Variants in EIF2AK3 observed in about 807,000 individuals in gnomAD.
The protein encoded by EIF2AK3 is eukaryotic translation initiation factor 2 alpha kinase 3.
Under a neutral mutation model 113.5 loss-of-function variants are expected in EIF2AK3, and 50 were observed. That is an observed-to-expected ratio of 0.44 (90% CI 0.35 to 0.56). The LOEUF is 0.56. EIF2AK3 is among the 20% of genes least tolerant of loss of function. EIF2AK3 has a pLI of 0.00. For missense variants in EIF2AK3, 1,185 were observed against 1,378.0 expected (o/e 0.86, Z 2.22); for synonymous variants, 448 against 495.4 (o/e 0.90, Z 1.27).
At chr2:88,558,576 C>T (rs1673850019) in intron 16 of EIF2AK3, among the ~76,000 whole-genome samples, 1 of 152,124 alleles carries the variant, frequency 6.6e-6, no homozygotes, top group African/African-American at 2.4e-5. Context: ...TAATGCAACC[C>T]TTCATTATAA....
At chr2:88,610,288 A>G (rs1170636160) in intron 2 of EIF2AK3, among the ~76,000 whole-genome samples, 5 of 152,258 alleles carry the variant, frequency 3.3e-5, no homozygotes, top group Admixed American at 1.3e-4. Flanking sequence ...TAAAAGATCT[A>G]TGTAACTCAG....
In EIF2AK3 at chr2:88,607,471, T is replaced by C. The variant is rs752802694; in HGVS notation, c.438+6253A>G. 1.2e-3 allele frequency among the ~76,000 whole-genome samples: 183 copies of C among 152,234 alleles called. 1 individual carries two copies. The highest frequency in any genetic ancestry group is 1.2e-3 in the Non-Finnish European group (80 of 68,036). On this transcript the variant is annotated intron_variant, in intron 2 of 16. Coordinates refer to ENST00000303236, the MANE Select transcript of EIF2AK3 (RefSeq NM_004836.7). Reference sequence around the variant, plus strand: ...ATTCTAAGACACACAAACATGCACCTTAACGGTTTTAGCTTGGTTATGTAT... The same window carrying C: ...ATTCTAAGACACACAAACATGCACCCTAACGGTTTTAGCTTGGTTATGTAT...
chr2:88,573,601 G>C (rs1278122043), intron 13 of EIF2AK3, among the ~76,000 whole-genome samples: 1 of 152,150 alleles, frequency 6.6e-6, no homozygotes, highest in Non-Finnish European at 1.5e-5. Flanking sequence ...TTGGCAATCA[G>C]TTTGGGCCCA....
chr2:88,627,220 GC>G lies in EIF2AK3; in HGVS notation c.54del (p.Leu19CysfsTer52). On this transcript the variant is annotated frameshift_variant, in exon 1 of 17. Transcript: ENST00000303236. LOFTEE classifies it high-confidence loss of function. ...GTCCTTGCCGCGAGCCCCAGCAGCA[GC>G]AGCAGCAGCAGCAGCGCCCGTACCA... is the stretch of plus-strand genomic sequence containing the variant. ...GLLVRALLLL[L>X]LLLGLAARTV... 2.1e-6 allele frequency: 3 copies of G among 1,430,754 alleles called. No individual in the cohort carries two copies. The highest frequency in any genetic ancestry group is 1.3e-5 in the South Asian group (1 of 76,250). 88.6% of individuals were successfully genotyped at this position (1,430,754 alleles called of 1,614,324 possible). A position where few individuals can be genotyped will look rare whatever the true frequency, so the allele number is the denominator to read the frequency against.
intron 13 of EIF2AK3, among the ~76,000 whole-genome samples, chr2:88,573,129 T>TG (rs1674358790): frequency 6.6e-6 from 1 of 151,248 alleles, no homozygotes; most frequent in African/African-American, 2.4e-5. Flanking sequence ...TTTTTTTGGT[T>TG]GGGGGTGGCG....
intron 10 of EIF2AK3, among the ~76,000 whole-genome samples, chr2:88,580,826 T>A (rs973975914): frequency 6.6e-6 from 1 of 152,166 alleles, no homozygotes; most frequent in African/African-American, 2.4e-5. Context: ...GATTTCAACG[T>A]TCCATGGGCC....
chr2:88,566,119 G>C (rs1189020681), intron 14 of EIF2AK3, among the ~76,000 whole-genome samples: 1 of 152,068 alleles, frequency 6.6e-6, no homozygotes, highest in African/African-American at 2.4e-5. Flanking sequence ...CTATTTTACT[G>C]TTTCACCAGT....
intron 15 of EIF2AK3, among the ~76,000 whole-genome samples, chr2:88,559,581 G>C (rs977084316): frequency 1.4e-4 from 21 of 151,400 alleles, no homozygotes; most frequent in African/African-American, 4.6e-4. Context: ...TGTATGTGTG[G>C]AGGGAGGGAG....
chr2:88,624,304 A>T (rs1438097519), intron 1 of EIF2AK3, among the ~76,000 whole-genome samples: 1 of 151,552 alleles, frequency 6.6e-6, no homozygotes, highest in African/African-American at 2.4e-5. Context: ...TTTCATTTTC[A>T]TTCTATCTAC....
At chr2:88,626,657 A>C (rs752467761) in intron 1 of EIF2AK3, among the ~76,000 whole-genome samples, 1 of 152,272 alleles carries the variant, frequency 6.6e-6, no homozygotes, top group East Asian at 1.9e-4. Flanking sequence ...AAGAGAATCA[A>C]TGCCCGAAAA....
chr2:88,593,974 A>G (rs1674949240), intron 3 of EIF2AK3: 7 of 989,862 alleles, frequency 7.1e-6, no homozygotes, highest in South Asian at 4.6e-5. Context: ...GATCGGGTTC[A>G]ATCCTGTTGT....
chr2:88,576,495 A>G (rs1363727681), intron 12 of EIF2AK3, 59 bp downstream of exon 12: 3 of 1,606,302 alleles, frequency 1.9e-6, no homozygotes, highest in Non-Finnish European at 2.5e-6. Context: ...TATAAAACTG[A>G]CATTGTAATC....
At chr2:88,584,063 T>C (rs1375704369) in intron 9 of EIF2AK3, among the ~76,000 whole-genome samples, 5 of 152,204 alleles carry the variant, frequency 3.3e-5, no homozygotes, top group Non-Finnish European at 7.3e-5. Flanking sequence ...TTTTAGAGGA[T>C]GTTAATAATT....
chr2:88,627,344 T>G lies in EIF2AK3; in HGVS notation c.-70A>C. 7.1e-7 allele frequency: 1 copy of G among 1,409,886 alleles called. No individual in the cohort carries two copies. Among genetic ancestry groups the G allele is most frequent in the South Asian group, 1.4e-5 (1 of 70,462 alleles). The allele number at this position is 1,409,886 out of a possible 1,614,324, so 87.3% of individuals were successfully genotyped here. A position where few individuals can be genotyped will look rare whatever the true frequency, so the allele number is the denominator to read the frequency against. On this transcript the variant is annotated 5_prime_UTR_variant, in exon 1 of 17. Coordinates refer to ENST00000303236, the MANE Select transcript of EIF2AK3 (RefSeq NM_004836.7). ...GCCTGCCTCTCCCGCCGCTTGGAGC[T>G]CCCAAGAAGGCAAGGACGTGCTAGG...
intron 2 of EIF2AK3, among the ~76,000 whole-genome samples, chr2:88,602,163 T>G (rs1675167988): frequency 6.6e-6 from 1 of 152,172 alleles, no homozygotes; most frequent in Admixed American, 6.5e-5. Flanking sequence ...GTTAGGATTT[T>G]TCTATAAAGA....
chr2:88,608,064 G>A (rs1573417647), intron 2 of EIF2AK3, among the ~76,000 whole-genome samples: 1 of 152,278 alleles, frequency 6.6e-6, no homozygotes, highest in South Asian at 2.1e-4. Flanking sequence ...AAAAGTTCCT[G>A]TGTGGCTTTA....
chr2:88,617,098 T>A (rs147692973), intron 1 of EIF2AK3, among the ~76,000 whole-genome samples: 6 of 152,306 alleles, frequency 3.9e-5, no homozygotes, highest in Non-Finnish European at 7.4e-5. Context: ...CTCATTGGCA[T>A]AATGTAGATC....
chr2:88,591,176 C>A lies in EIF2AK3; in HGVS notation c.768-124G>T, dbSNP rs750088057. The A allele has an allele frequency of 5.2e-5, 47 of 906,192 alleles. 1 individual carries two copies. Among genetic ancestry groups the A allele is most frequent in the Non-Finnish European group, 6.7e-5 (39 of 580,836 alleles). The allele number at this position is 906,192 out of a possible 1,614,324, so 56.1% of individuals were successfully genotyped here. A position where few individuals can be genotyped will look rare whatever the true frequency, so the allele number is the denominator to read the frequency against. On this transcript the variant is annotated intron_variant, in intron 4 of 16. Transcript: ENST00000303236. ...TGTGATGAGAAAACTAACAACATAACCTTCTGGAAAAGAGTGCTCTACTGA... is the reference window on the plus strand; with the variant it reads ...TGTGATGAGAAAACTAACAACATAAACTTCTGGAAAAGAGTGCTCTACTGA...
At chr2:88,601,818 ATTAG>A (rs1161127587) in intron 2 of EIF2AK3, among the ~76,000 whole-genome samples, 2 of 106,252 alleles carry the variant, frequency 1.9e-5, no homozygotes, top group Non-Finnish European at 4.0e-5. Flanking sequence ...TTCTGCATTT[ATTAG>A]TTAAGATTTT....
Sources: allele counts gnomAD v4.1 joint callset (sites outside exome capture counted in the v4.1 genomes callset), GRCh38; gene constraint gnomAD v4.1.1; transcripts MANE v1.5; gene names NCBI Gene and HGNC (gene_info 2026-07-23, HGNC 2026-07-21).